The following MYOM3 variants were observed in gnomAD, a reference collection of about 807,000 sequenced individuals.
MYOM3 encodes the protein myomesin 3, also known as myomesin-3.
In MYOM3, 155 loss-of-function variants were observed where a neutral mutation model predicts 191.7. The ratio of observed to expected loss-of-function variants is 0.81; its 90% CI spans 0.71 to 0.92. MYOM3 has a LOEUF of 0.92. MYOM3 is among the 40% of genes least tolerant of loss of function. MYOM3 has a pLI of 0.00. For synonymous variants in MYOM3, 757 were observed against 762.9 expected, an observed-to-expected ratio of 0.99 and a Z score of 0.13; for missense variants, 1,889 against 1,890.6, an observed-to-expected ratio of 1.00 and a Z score of 0.02.
In MYOM3 at chr1:24,093,048, AGGGATGC is replaced by A; in HGVS notation, c.982_988del (p.Ala328Ter). Reference sequence around the variant, plus strand: ...CTCCTTGTAGGTGCAGGACACCTTCAGGGATGCCTGGCGGTCTGTGTAGAGGATCTTC... The same window carrying A: ...CTCCTTGTAGGTGCAGGACACCTTCACTGGCGGTCTGTGTAGAGGATCTTC... On this transcript the variant is annotated frameshift_variant, in exon 10 of 37. Coordinates refer to ENST00000374434, the MANE Select transcript of MYOM3 (RefSeq NM_152372.4). LOFTEE classifies it high-confidence loss of function. The A allele has an allele frequency of 6.2e-7, 1 of 1,613,266 alleles. No individual in the cohort carries two copies. Among genetic ancestry groups the A allele is most frequent in the South Asian group, 1.1e-5 (1 of 91,052 alleles).
At chr1:24,090,414 C>A (rs1445189518) in intron 12 of MYOM3, among the ~76,000 whole-genome samples, 1 of 152,194 alleles carries the variant, frequency 6.6e-6, no homozygotes, top group South Asian at 2.1e-4. Context: ...TTCTAGCACA[C>A]CCAAGTCAGC....
intron 25 of MYOM3, among the ~76,000 whole-genome samples, chr1:24,069,907 G>A (rs539779386): frequency 7.4e-6 from 1 of 135,890 alleles, no homozygotes; most frequent in Non-Finnish European, 1.5e-5. Flanking sequence ...ACCCCGCCCA[G>A]CCACAACACG....
intron 1 of MYOM3, among the ~76,000 whole-genome samples, chr1:24,109,296 A>G (rs986351626): frequency 4.6e-5 from 7 of 152,204 alleles, no homozygotes; most frequent in Non-Finnish European, 5.9e-5. Context: ...TAACCTTGGG[A>G]AAGACTCATG....
In MYOM3 at chr1:24,063,362, G is replaced by T; in HGVS notation, c.3662-128C>A. The T allele has an allele frequency of 7.2e-7, 1 of 1,387,290 alleles. No homozygotes were observed. Among genetic ancestry groups the T allele is most frequent in the Non-Finnish European group, 1.0e-6 (1 of 977,060 alleles). 85.9% of individuals were successfully genotyped at this position (1,387,290 alleles called of 1,614,324 possible). ...GGGAAATGCAGTGCTGTGAAGAGGC[G>T]GGATTTTCTCTTCGGTGTTTGAGGT... On this transcript the variant is annotated intron_variant, in intron 31 of 36. Coordinates refer to ENST00000374434, the MANE Select transcript of MYOM3 (RefSeq NM_152372.4). This position sits in a 1 kb window ranked among gnomAD's most constrained non-coding sequence, Gnocchi z 4.5.
chr1:24,084,597 G>A lies in MYOM3; in HGVS notation c.1841C>T (p.Thr614Ile), dbSNP rs1643713286. 1 of 1,613,966 alleles carries A rather than the reference G, an allele frequency of 6.2e-7. No individual in the cohort carries two copies. The highest frequency in any genetic ancestry group is 1.3e-5 in the African/African-American group (1 of 75,008). Reference protein sequence around the residue: ...PPAQVQAFRDTQTSVSLTWDP... With the variant: ...PPAQVQAFRDIQTSVSLTWDP... ...CCATGTCAGGGAGACAGAGGTCTGT[G>A]TGTCTCTGAAAGCTTGAACTTGAGC... Residue 614 changes from threonine (T) to isoleucine (I), a missense_variant, in exon 16 of 37, where the codon ACA becomes ATA. Coordinates refer to ENST00000374434, the MANE Select transcript of MYOM3 (RefSeq NM_152372.4).
rs148650700 is a variant in MYOM3 at position 24,111,101 on chromosome 1, T to G, written c.-19+930A>C. 8.5e-3 allele frequency among the ~76,000 whole-genome samples: 1,296 copies of G among 152,326 alleles called. 18 individuals carry two copies. Among genetic ancestry groups the G allele is most frequent in the African/African-American group, 0.029 (1,198 of 41,576 alleles). On this transcript the variant is annotated intron_variant, in intron 1 of 36. Transcript: ENST00000374434. The surrounding 1 kb of genome is among the most constrained non-coding windows in gnomAD (Gnocchi z 4.7). ...TTTTAAAGCACTGACTGATGCGTGG[T>G]ATTAAGCAGGGACAAGTTTGCGGCC...
intron 5 of MYOM3, among the ~76,000 whole-genome samples, chr1:24,105,091 G>A (rs1370166279): frequency 7.2e-6 from 1 of 138,564 alleles, no homozygotes; most frequent in African/African-American, 2.7e-5. Flanking sequence ...CCCCTGCCCC[G>A]CCCCTCCCCA....
At chr1:24,067,403 C>T (rs12030023) in intron 27 of MYOM3, among the ~76,000 whole-genome samples, 1,215 of 61,626 alleles carry the variant, frequency 0.02, 51 homozygotes, top group South Asian at 0.046. Flanking sequence ...TCCTTCCTTC[C>T]TTCCTTCCTT....
chr1:24,080,105 C>T lies in MYOM3; in HGVS notation c.2497G>A (p.Val833Ile). 6.2e-7 allele frequency: 1 copy of T among 1,614,184 alleles called. No homozygotes were observed. Among genetic ancestry groups the T allele is most frequent in the Non-Finnish European group, 8.5e-7 (1 of 1,180,010 alleles). ...TGGAAACTGACGTGATAGCCTGTGA[C>T]AGGCCCAGCCCCCATATACAGTGGG... is the stretch of plus-strand genomic sequence containing the variant. ...EPPLYMGAGP[V>I]TGYHVSFQEE... Residue 833 changes from valine (V) to isoleucine (I), a missense_variant, in exon 20 of 37, where the codon GTC becomes ATC. By Grantham distance (29) the Val-to-Ile change is conservative. Transcript: ENST00000374434.
At chr1:24,074,480 C>G (rs1643572779) in intron 22 of MYOM3, among the ~76,000 whole-genome samples, 1 of 152,222 alleles carries the variant, frequency 6.6e-6, no homozygotes, top group Admixed American at 6.5e-5. Context: ...TCTGGGCTCT[C>G]TGGCACTGGG....
chr1:24,089,569 T>C lies in MYOM3; in HGVS notation c.1583A>G (p.Asp528Gly), dbSNP rs4393101. The C allele has an allele frequency of 1, 1,593,818 of 1,600,064 alleles. 793,978 individuals carry two copies. Among genetic ancestry groups the C allele is most frequent in the East Asian group, 1 (44,213 of 44,214 alleles). ...CAGGGAGTACGTCAGTGGTGCTCTG[T>C]CCCGGGGGCTGGGCTCCTCCCAGGC... is the stretch of plus-strand genomic sequence containing the variant. ...VLAWEEPSPR[D>G]RAPLTYSLEK... is the part of the protein sequence containing the mutation. The change falls in exon 14 of 37, where the codon GAC becomes GGC. Residue 528 changes from aspartate to glycine, a missense_variant. Physicochemically the swap from Asp to Gly is moderately conservative, Grantham distance 94. Coordinates refer to ENST00000374434, the MANE Select transcript of MYOM3 (RefSeq NM_152372.4).
chr1:24,106,765 C>T (rs1557619088), intron 4 of MYOM3, among the ~76,000 whole-genome samples: 1 of 152,092 alleles, frequency 6.6e-6, no homozygotes, highest in Non-Finnish European at 1.5e-5. Context: ...TACAGGGTTT[C>T]ACCATGTTGG....
At position 24,097,985 on chromosome 1, in the gene MYOM3, T is replaced by C. The variant is rs1643887460; in HGVS notation, c.683A>G (p.Tyr228Cys). ...GTGGGCGTTCTTCACTCGCACAGTG[T>C]AAGTTGCTGAGTCCTCAATGGCGCA... is the stretch of plus-strand genomic sequence containing the variant. Reference protein sequence around the residue: ...RRCAIEDSATYTVRVKNAHGQ... With the variant: ...RRCAIEDSATCTVRVKNAHGQ... The change falls in exon 7 of 37, where the codon TAC becomes TGC. Residue 228 changes from tyrosine to cysteine, a missense_variant. Coordinates refer to ENST00000374434, the MANE Select transcript of MYOM3 (RefSeq NM_152372.4). 2.5e-6 allele frequency: 4 copies of C among 1,613,576 alleles called. No individual in the cohort carries two copies. Among genetic ancestry groups the C allele is most frequent in the Non-Finnish European group, 3.4e-6 (4 of 1,179,516 alleles).
At chr1:24,074,117 T>TCA in intron 23 of MYOM3, 43 bp downstream of exon 23, 1 of 1,487,326 alleles carries the variant, frequency 6.7e-7, no homozygotes, top group South Asian at 1.2e-5. Context: ...TGTTTGGGAC[T>TCA]CTCTCTCTGG....
In MYOM3 at chr1:24,080,022, G is replaced by T. The variant is rs778130674; in HGVS notation, c.2580C>A (p.His860Gln). 6.2e-7 allele frequency: 1 copy of T among 1,610,156 alleles called. No homozygotes were observed. The highest frequency in any genetic ancestry group is 1.1e-5 in the South Asian group (1 of 90,262). The change falls in exon 20 of 37, where the codon CAC (histidine) becomes CAA (glutamine). Residue 860 changes from histidine to glutamine, a missense_variant. Coordinates refer to ENST00000374434, the MANE Select transcript of MYOM3 (RefSeq NM_152372.4). ...TGAAGGCATAAGAACTTACCCTCAG[G>T]TGGGTGCCAGAGATGGGGCCTGGGG... ...PVTPGPISGT[H>Q]LRVSDLQPGK...
intron 28 of MYOM3, 182 bp from the exon 29 acceptor site, chr1:24,066,183 A>AG (rs1314665051): frequency 1.4e-6 from 1 of 718,124 alleles, no homozygotes; most frequent in South Asian, 1.5e-5. Context: ...TCCCTGCCTT[A>AG]CTCTATTTTT....
intron 5 of MYOM3, among the ~76,000 whole-genome samples, chr1:24,100,167 C>A (rs927171118): frequency 2.0e-5 from 3 of 152,162 alleles, no homozygotes; most frequent in African/African-American, 7.2e-5. Flanking sequence ...CCGCGCCTGG[C>A]CTCCAGTTGC....
chr1:24,081,822 C>T (rs780994300), intron 18 of MYOM3, 179 bp downstream of exon 18: 1 of 647,342 alleles, frequency 1.5e-6, no homozygotes, highest in Non-Finnish European at 2.6e-6. Context: ...CCAGCTCAAG[C>T]TTGGTGGCTC....
intron 5 of MYOM3, among the ~76,000 whole-genome samples, chr1:24,102,307 C>T (rs1192827645): frequency 1.3e-5 from 2 of 152,190 alleles, no homozygotes; most frequent in African/African-American, 4.8e-5. Context: ...ATCTCTCCAG[C>T]TCTCCAGGCC....
Sources: allele counts gnomAD v4.1 joint callset (sites outside exome capture counted in the v4.1 genomes callset), GRCh38; gene constraint gnomAD v4.1.1; non-coding constraint Gnocchi (gnomAD v3.1); transcripts MANE v1.5; gene names NCBI Gene and HGNC (gene_info 2026-07-23, HGNC 2026-07-21).